The following FRMD4B variants were observed in gnomAD, a reference collection of about 807,000 sequenced individuals.
The protein encoded by FRMD4B is FERM domain containing 4B.
A neutral mutation model predicts 141.5 loss-of-function variants in FRMD4B; 74 were observed. The observed-to-expected ratio is 0.52, with a 90% confidence interval of 0.43 to 0.63. The LOEUF (loss-of-function observed/expected upper bound fraction) is 0.63, where lower values mean the gene tolerates loss of function less well. FRMD4B is among the 30% of genes least tolerant of loss of function. The probability of loss-of-function intolerance (pLI) is 0.00; values close to 1 mark genes in which losing one functional copy is unlikely to be tolerated. For missense variants in FRMD4B, 1,366 were observed against 1,253.4 expected (o/e 1.09, Z -1.36); for synonymous variants, 506 against 467.9 (o/e 1.08, Z -1.05).
intron 1 of FRMD4B, among the ~76,000 whole-genome samples, chr3:69,327,890 G>T (rs1237792798): frequency 6.6e-6 from 1 of 152,196 alleles, no homozygotes; most frequent in African/African-American, 2.4e-5. Flanking sequence ...ATTTAGTCAT[G>T]AAGCTTCCTT....
chr3:69,302,843 C>A (rs181616504), intron 3 of FRMD4B, among the ~76,000 whole-genome samples: 5 of 152,026 alleles, frequency 3.3e-5, no homozygotes, highest in African/African-American at 1.2e-4. Context: ...GAGGCCGAGG[C>A]GGGCAGATCA....
At chr3:69,495,928 T>C (rs902722160) in intron 1 of FRMD4B, among the ~76,000 whole-genome samples, 1 of 152,204 alleles carries the variant, frequency 6.6e-6, no homozygotes, top group Admixed American at 6.5e-5. Flanking sequence ...CTCAAACCAG[T>C]ATGCAGTGAT....
At chr3:69,371,446 G>A (rs1176838371) in intron 1 of FRMD4B, among the ~76,000 whole-genome samples, 1 of 152,186 alleles carries the variant, frequency 6.6e-6, no homozygotes, top group Non-Finnish European at 1.5e-5. Flanking sequence ...TTGTTTCTCA[G>A]AGTTGGGAAG....
At chr3:69,406,153 C>CA (rs924739344) in intron 2 of FRMD4B, among the ~76,000 whole-genome samples, 2 of 152,148 alleles carry the variant, frequency 1.3e-5, no homozygotes, top group African/African-American at 4.8e-5. Flanking sequence ...AAATCGAACA[C>CA]AAAAACACAT....
chr3:69,402,139 A>G (rs978612566), intron 2 of FRMD4B, among the ~76,000 whole-genome samples: 1 of 152,134 alleles, frequency 6.6e-6, no homozygotes, highest in African/African-American at 2.4e-5. Flanking sequence ...ACCCAAAAGG[A>G]CAGGCCTAGG....
At chr3:69,394,287 C>T (rs531804698) in intron 2 of FRMD4B, among the ~76,000 whole-genome samples, 1 of 152,330 alleles carries the variant, frequency 6.6e-6, no homozygotes, top group South Asian at 2.1e-4. Flanking sequence ...CCCAGGCCCA[C>T]GGCCTTATCC....
At chr3:69,293,282 T>C (rs931631863) in intron 4 of FRMD4B, among the ~76,000 whole-genome samples, 1 of 152,130 alleles carries the variant, frequency 6.6e-6, no homozygotes, top group South Asian at 2.1e-4. Context: ...TTATTTCTAG[T>C]GGTCACAAGT....
intron 1 of FRMD4B, among the ~76,000 whole-genome samples, chr3:69,457,381 A>G (rs1189574322): frequency 6.6e-6 from 1 of 152,212 alleles, no homozygotes; most frequent in South Asian, 2.1e-4. Context: ...TCCATAATAA[A>G]CATGCTTTAC....
At chr3:69,468,359 G>C (rs1705828350) in intron 1 of FRMD4B, among the ~76,000 whole-genome samples, 1 of 152,004 alleles carries the variant, frequency 6.6e-6, no homozygotes, top group Non-Finnish European at 1.5e-5. Flanking sequence ...AGTAGACACT[G>C]TTGGTGGCCT....
intron 1 of FRMD4B, among the ~76,000 whole-genome samples, chr3:69,446,552 C>T (rs1383625921): frequency 1.3e-5 from 2 of 152,062 alleles, no homozygotes; most frequent in Admixed American, 6.6e-5. Flanking sequence ...AGGCCAGTCT[C>T]GAACTCACCT....
At chr3:69,342,531 G>T (rs1702773158) in intron 1 of FRMD4B, among the ~76,000 whole-genome samples, 1 of 152,062 alleles carries the variant, frequency 6.6e-6, no homozygotes, top group South Asian at 2.1e-4. Flanking sequence ...TGAGACTACT[G>T]CCATCATTTG....
chr3:69,268,397 G>T (rs997438855), intron 5 of FRMD4B, among the ~76,000 whole-genome samples: 8 of 151,980 alleles, frequency 5.3e-5, no homozygotes, highest in Admixed American at 1.3e-4. Context: ...TTGGAGAACA[G>T]ATGAATAACC....
At chr3:69,347,606 A>T (rs1421886753) in intron 1 of FRMD4B, among the ~76,000 whole-genome samples, 1 of 152,234 alleles carries the variant, frequency 6.6e-6, no homozygotes, top group Non-Finnish European at 1.5e-5. Flanking sequence ...AGCAAATGTA[A>T]AAGAACAGAA....
intron 8 of FRMD4B, among the ~76,000 whole-genome samples, chr3:69,223,608 G>C (rs1467484813): frequency 6.6e-6 from 1 of 152,082 alleles, no homozygotes; most frequent in African/African-American, 2.4e-5. Flanking sequence ...GGAGGTCAAG[G>C]CGGGTAGATT....
chr3:69,354,076 C>G (rs1703242772), intron 1 of FRMD4B, among the ~76,000 whole-genome samples: 1 of 152,170 alleles, frequency 6.6e-6, no homozygotes, highest in South Asian at 2.1e-4. Context: ...CTTTGCTACT[C>G]ACAGCCAGTT....
intron 1 of FRMD4B, among the ~76,000 whole-genome samples, chr3:69,451,418 G>A (rs113034361): frequency 1.5e-3 from 233 of 152,320 alleles, no homozygotes; most frequent in African/African-American, 5.5e-3. Flanking sequence ...ATCAGTGGAA[G>A]AATATATTGT....
chr3:69,273,665 T>G (rs957598014), intron 5 of FRMD4B, among the ~76,000 whole-genome samples: 1 of 152,204 alleles, frequency 6.6e-6, no homozygotes, highest in Non-Finnish European at 1.5e-5. Context: ...TCAATTTAGT[T>G]ACCAGTGTAA....
intron 1 of FRMD4B, among the ~76,000 whole-genome samples, chr3:69,455,911 G>A (rs1024608546): frequency 6.6e-6 from 1 of 152,104 alleles, no homozygotes; most frequent in East Asian, 1.9e-4. Flanking sequence ...ACCATCACCT[G>A]GCCATTTGTA....
chr3:69,284,639 A>G (rs984080591), intron 5 of FRMD4B, among the ~76,000 whole-genome samples: 4 of 152,194 alleles, frequency 2.6e-5, no homozygotes, highest in Non-Finnish European at 4.4e-5. Flanking sequence ...AAAAGATACA[A>G]TTAATAATGC....
Sources: allele counts gnomAD v4.1 joint callset (sites outside exome capture counted in the v4.1 genomes callset), GRCh38; gene constraint gnomAD v4.1.1; transcripts MANE v1.5; gene names NCBI Gene and HGNC (gene_info 2026-07-23, HGNC 2026-07-21).